SYT11: variants seen among roughly 807,000 people sequenced by gnomAD.
The protein encoded by SYT11 is synaptotagmin 11.
Under a neutral mutation model 30.4 loss-of-function variants are expected in SYT11, and 12 were observed. The observed-to-expected ratio is 0.39, with a 90% CI of 0.25 to 0.64. SYT11 has a LOEUF of 0.64. Among genes scored for constraint, SYT11 ranks in the 30% least tolerant of loss-of-function variants. The pLI, the probability that SYT11 is intolerant of heterozygous loss-of-function variation, is 0.45. For synonymous variants in SYT11, 204 were observed against 216.0 expected, an observed-to-expected ratio of 0.94 and a Z score of 0.49; for missense variants, 412 against 552.0, an observed-to-expected ratio of 0.75 and a Z score of 2.54.
chr1:155,878,072 G>A (rs377087140), intron 2 of SYT11, among the ~76,000 whole-genome samples: 64 of 151,808 alleles, frequency 4.2e-4, no homozygotes, highest in African/African-American at 1.5e-3. Flanking sequence ...GTGAGACCCT[G>A]TCTTTACAAA....
At chr1:155,873,411 C>T (rs1325495170) in intron 2 of SYT11, among the ~76,000 whole-genome samples, 1 of 152,100 alleles carries the variant, frequency 6.6e-6, no homozygotes. Context: ...GGCGACAGAG[C>T]AAGACTCCGT....
At chr1:155,865,619 A>C (rs1672660213) in intron 1 of SYT11, among the ~76,000 whole-genome samples, 1 of 150,952 alleles carries the variant, frequency 6.6e-6, no homozygotes, top group Non-Finnish European at 1.5e-5. Context: ...CAAGAGCAAA[A>C]CTCTGTCTCA....
In SYT11 at chr1:155,859,575, C is replaced by T. The variant is rs527768492; in HGVS notation, c.-187C>T. 40 of 652,170 alleles carry T rather than the reference C, an allele frequency of 6.1e-5. 1 individual carries two copies. The South Asian group carries it at 6.2e-4, about 10-fold the overall frequency. 40.4% of individuals were successfully genotyped at this position (652,170 alleles called of 1,614,324 possible). On this transcript the variant is annotated 5_prime_UTR_variant, in exon 1 of 4. Coordinates refer to ENST00000368324, the MANE Select transcript of SYT11 (RefSeq NM_152280.5). ...ACCTGCATCCTTAGCTCAGCGCATCCCCGGAGCATCTTAAGAGCTGAGCGC... is the reference window on the plus strand; with the variant it reads ...ACCTGCATCCTTAGCTCAGCGCATCTCCGGAGCATCTTAAGAGCTGAGCGC...
rs1445235564 is a variant in SYT11, at chr1:155,876,489, G to A, written c.862-4011G>A. 3.3e-5 allele frequency among the ~76,000 whole-genome samples: 5 copies of A among 151,680 alleles called. 1 individual carries two copies. The highest frequency in any genetic ancestry group is 1.3e-4 in the Admixed American group (2 of 15,224). ...TCCCGATCTCCTGACCTCGTGATCC[G>A]TCCGCCTCGGCCTCCCAAAGTGCTG... On this transcript the variant is annotated intron_variant, in intron 2 of 3. Coordinates refer to ENST00000368324, the MANE Select transcript of SYT11 (RefSeq NM_152280.5).
chr1:155,869,398 G>A (rs1672747649), intron 2 of SYT11, among the ~76,000 whole-genome samples: 1 of 149,508 alleles, frequency 6.7e-6, no homozygotes, highest in South Asian at 2.1e-4. Context: ...AGCCTCCCGA[G>A]TAGCTGGGAT....
At chr1:155,869,558 C>T (rs752198941) in intron 2 of SYT11, among the ~76,000 whole-genome samples, 9 of 152,130 alleles carry the variant, frequency 5.9e-5, no homozygotes, top group Non-Finnish European at 1.2e-4. Context: ...AGGCATGAGC[C>T]ACTGCACCCA....
chr1:155,861,722 G>T lies in SYT11; in HGVS notation c.34+1927G>T, dbSNP rs530060498. The stretch of plus-strand genomic sequence containing the variant: ...CAACCTCTGCCTCCTGGGTTCAAGC[G>T]ATTATCCTGCCTCAGCCTCCCAAGT... On this transcript the variant is annotated intron_variant, in intron 1 of 3. Transcript: ENST00000368324. 3.9e-5 allele frequency among the ~76,000 whole-genome samples: 6 copies of T among 152,260 alleles called. No homozygotes were observed. The South Asian group carries it at 1.2e-3, about 32-fold the overall frequency.
At chr1:155,877,736 T>A (rs1461487714) in intron 2 of SYT11, among the ~76,000 whole-genome samples, 2 of 151,554 alleles carry the variant, frequency 1.3e-5, no homozygotes, top group Non-Finnish European at 2.9e-5. Flanking sequence ...TTGTATTTTT[T>A]TAGTAGATAC....
intron 2 of SYT11, among the ~76,000 whole-genome samples, chr1:155,874,092 G>A (rs1361318398): frequency 1.3e-5 from 2 of 152,130 alleles, no homozygotes; most frequent in Non-Finnish European, 2.9e-5. Context: ...CTTCCACTCA[G>A]GAGATCAAGA....
At chr1:155,872,334 G>A (rs1672792459) in intron 2 of SYT11, among the ~76,000 whole-genome samples, 1 of 152,142 alleles carries the variant, frequency 6.6e-6, no homozygotes, top group African/African-American at 2.4e-5. Context: ...GTGGCCCTCA[G>A]GACATCTGGC....
chr1:155,880,279 C>T (rs545506950), intron 2 of SYT11, among the ~76,000 whole-genome samples: 1 of 152,292 alleles, frequency 6.6e-6, no homozygotes, highest in East Asian at 1.9e-4. Flanking sequence ...TGTGGGCTCT[C>T]CATGCAAATT....
intron 1 of SYT11, among the ~76,000 whole-genome samples, chr1:155,861,663 G>C (rs577127329): frequency 2.8e-4 from 43 of 152,310 alleles, no homozygotes; most frequent in African/African-American, 8.4e-4. Context: ...TTGTTGCCCA[G>C]GTTGGAGTGC....
Position 155,884,204 on chromosome 1 carries a change from G to A in SYT11, c.*2696G>A, listed in dbSNP as rs1405171188. ...CCAGAAACAATGCAAAACAACAGGT[G>A]GAGATAGTCTGGTCTTTGCCCTGCT... On this transcript the variant is annotated 3_prime_UTR_variant, in exon 4 of 4. Transcript: ENST00000368324. The A allele has an allele frequency of 6.5e-6, 1 of 152,734 alleles. No individual in the cohort carries two copies. The highest frequency in any genetic ancestry group is 1.5e-5 in the Non-Finnish European group (1 of 68,044). The allele number at this position is 152,734 out of a possible 1,614,324, so 9.5% of individuals were successfully genotyped here.
At chr1:155,859,909 C>T in intron 1 of SYT11, 114 bp downstream of exon 1, 1 of 1,067,816 alleles carries the variant, frequency 9.4e-7, no homozygotes, top group East Asian at 2.4e-5. Context: ...AAATGCCAGC[C>T]CCACTAAAAT....
chr1:155,879,669 G>A (rs1034002198), intron 2 of SYT11, among the ~76,000 whole-genome samples: 86 of 152,314 alleles, frequency 5.6e-4, no homozygotes, highest in Admixed American at 4.1e-3. Context: ...TTCAAACCCA[G>A]TTCTCCTACC....
Position 155,882,692 on chromosome 1 carries a change from G to A in SYT11, c.*1184G>A, listed in dbSNP as rs916894113. The A allele has an allele frequency of 6.6e-6, 1 of 152,326 alleles. No homozygotes were observed. The highest frequency in any genetic ancestry group is 2.4e-5 in the African/African-American group (1 of 41,438). 9.4% of individuals were successfully genotyped at this position (152,326 alleles called of 1,614,324 possible). A position where few individuals can be genotyped will look rare whatever the true frequency, so the allele number is the denominator to read the frequency against. ...CAGCTGATCCCAAAAGCTGTTTTCA[G>A]GTATAAGGACAAGGAGAGGAGACAA... is the stretch of plus-strand genomic sequence containing the variant. On this transcript the variant is annotated 3_prime_UTR_variant, in exon 4 of 4. Coordinates refer to ENST00000368324, the MANE Select transcript of SYT11 (RefSeq NM_152280.5).
chr1:155,870,878 C>G (rs1250458841), intron 2 of SYT11, among the ~76,000 whole-genome samples: 1 of 65,476 alleles, frequency 1.5e-5, no homozygotes, highest in Non-Finnish European at 4.6e-5. Flanking sequence ...CTGGCACACT[C>G]AGATCCATGT....
intron 1 of SYT11, among the ~76,000 whole-genome samples, chr1:155,865,765 C>A (rs1244585268): frequency 6.6e-6 from 1 of 151,996 alleles, no homozygotes; most frequent in Non-Finnish European, 1.5e-5. Flanking sequence ...GCAACCTCCA[C>A]CTCCTGGGCT....
Position 155,868,436 on chromosome 1 carries a change from T to TC in SYT11, c.509dup (p.Lys171GlufsTer19). On this transcript the variant is annotated frameshift_variant, in exon 2 of 4. Transcript: ENST00000368324. LOFTEE classifies it high-confidence loss of function. The surrounding 1 kb of genome is among the most constrained non-coding windows in gnomAD (Gnocchi z 4.7). ...CTCACCTTCTCAGTGGACTATAACTTCCCGAAAAAAGCCCTGGTGGTGACA... is the reference window on the plus strand; with the variant it reads ...CTCACCTTCTCAGTGGACTATAACTTCCCCGAAAAAAGCCCTGGTGGTGACA... 1 of 1,613,804 alleles carries TC rather than the reference T, an allele frequency of 6.2e-7. No individual in the cohort carries two copies. Among genetic ancestry groups the TC allele is most frequent in the Admixed American group, 1.7e-5 (1 of 59,984 alleles).
Sources: gnomAD v4.1 joint callset for allele counts (sites outside exome capture counted in the v4.1 genomes callset) on GRCh38, gnomAD v4.1.1 for gene constraint, Gnocchi (gnomAD v3.1) non-coding constraint, MANE v1.5 for transcripts, NCBI Gene and HGNC (gene_info 2026-07-23, HGNC 2026-07-21) for gene names.